The following LCLAT1 variants were observed in gnomAD, a reference collection of about 807,000 sequenced individuals.
LCLAT1 encodes 1-AGP acyltransferase 8.
A neutral mutation model predicts 30.7 loss-of-function variants in LCLAT1; 11 were observed. That is an observed-to-expected ratio of 0.36 (90% CI 0.23 to 0.59). The LOEUF is 0.59. LCLAT1 is among the 20% of genes least tolerant of loss of function. The pLI, the probability that LCLAT1 is intolerant of heterozygous loss-of-function variation, is 0.77. For missense variants in LCLAT1, 402 were observed against 458.6 expected, an observed-to-expected ratio of 0.88 and a Z score of 1.13; for synonymous variants, 155 against 151.3, an observed-to-expected ratio of 1.02 and a Z score of -0.18.
chr2:30,509,244 T>C (rs1218094013), intron 1 of LCLAT1, among the ~76,000 whole-genome samples: 2 of 152,208 alleles, frequency 1.3e-5, no homozygotes, highest in African/African-American at 2.4e-5. Context: ...CTCTTCCTAT[T>C]TGGATGCTCT....
chr2:30,528,680 T>G (rs1469167760), intron 2 of LCLAT1, among the ~76,000 whole-genome samples: 1 of 152,210 alleles, frequency 6.6e-6, no homozygotes, highest in Non-Finnish European at 1.5e-5. Context: ...TCAAAGATAA[T>G]TTCACCTATT....
At chr2:30,477,324 G>T (rs1328233896) in intron 1 of LCLAT1, among the ~76,000 whole-genome samples, 1 of 152,160 alleles carries the variant, frequency 6.6e-6, no homozygotes, top group East Asian at 1.9e-4. Flanking sequence ...GATTGTACCT[G>T]TTTGTGGTGT....
intron 1 of LCLAT1, among the ~76,000 whole-genome samples, chr2:30,520,017 T>C (rs1183876606): frequency 1.3e-5 from 2 of 152,220 alleles, no homozygotes; most frequent in African/African-American, 4.8e-5. Context: ...TCGCCATTGT[T>C]TCTGTGCGGC....
intron 1 of LCLAT1, among the ~76,000 whole-genome samples, chr2:30,472,226 G>A (rs1248744193): frequency 6.6e-6 from 1 of 152,154 alleles, no homozygotes. Context: ...TTATGGAAAA[G>A]GAGTTAAAAG....
At chr2:30,615,919 A>C (rs1667973675) in intron 5 of LCLAT1, among the ~76,000 whole-genome samples, 1 of 152,232 alleles carries the variant, frequency 6.6e-6, no homozygotes, top group Non-Finnish European at 1.5e-5. Flanking sequence ...GAGTATAATC[A>C]GTGAATTGAT....
rs867832564 is a variant in LCLAT1, at chr2:30,553,642, C to T, written c.365-8504C>T. On this transcript the variant is annotated intron_variant, in intron 3 of 5. Transcript: ENST00000379509. ...CATCCTGGCTAACAAGGTGAAACCC[C>T]GTCTCTACTAAAAATACAAAAAATT... Among the ~76,000 whole-genome samples the T allele has an allele frequency of 4.0e-5, 6 of 151,498 alleles. No individual in the cohort carries two copies. In the South Asian group the frequency reaches 1.0e-3, roughly 26 times the overall value.
chr2:30,493,653 C>G (rs1047988659), intron 1 of LCLAT1, among the ~76,000 whole-genome samples: 8 of 152,304 alleles, frequency 5.3e-5, no homozygotes, highest in African/African-American at 1.9e-4. Flanking sequence ...TAGAAAACTC[C>G]TTGTGCTATC....
At chr2:30,602,120 G>A (rs1390843456) in intron 5 of LCLAT1, among the ~76,000 whole-genome samples, 5 of 152,104 alleles carry the variant, frequency 3.3e-5, no homozygotes, top group African/African-American at 1.2e-4. Context: ...GCAATAGTTA[G>A]ATTTAATCAA....
chr2:30,582,186 T>C (rs1165413202), intron 5 of LCLAT1, among the ~76,000 whole-genome samples: 1 of 151,356 alleles, frequency 6.6e-6, no homozygotes, highest in Admixed American at 6.6e-5. Flanking sequence ...TTTCCCCCTT[T>C]CCCCCTCTCC....
intron 5 of LCLAT1, among the ~76,000 whole-genome samples, chr2:30,625,437 A>G (rs1331175127): frequency 1.3e-5 from 2 of 152,182 alleles, no homozygotes; most frequent in Non-Finnish European, 2.9e-5. Context: ...CAAAACTGCT[A>G]TCTGTAACTT....
intron 4 of LCLAT1, among the ~76,000 whole-genome samples, chr2:30,565,073 T>C (rs1665412742): frequency 6.6e-6 from 1 of 152,080 alleles, no homozygotes; most frequent in African/African-American, 2.4e-5. Context: ...TCGTTATTCT[T>C]GGGTTAGGGA....
At chr2:30,517,814 A>G (rs2148369655) in intron 1 of LCLAT1, among the ~76,000 whole-genome samples, 1 of 152,304 alleles carries the variant, frequency 6.6e-6, no homozygotes, top group South Asian at 2.1e-4. Flanking sequence ...AGTGTACCCT[A>G]TTCCTTTAAA....
At chr2:30,593,900 G>A (rs1460708570) in intron 5 of LCLAT1, among the ~76,000 whole-genome samples, 3 of 136,460 alleles carry the variant, frequency 2.2e-5, no homozygotes, top group African/African-American at 8.5e-5. Context: ...TCCACCTCGA[G>A]CAACAGAGAG....
At chr2:30,634,358 G>A (rs1435981861) in intron 5 of LCLAT1, among the ~76,000 whole-genome samples, 1 of 152,200 alleles carries the variant, frequency 6.6e-6, no homozygotes, top group Non-Finnish European at 1.5e-5. Flanking sequence ...ATGCGCGGCG[G>A]CTCACGCCTG....
rs1665262260 is a variant in LCLAT1, at chr2:30,562,227, A to G, written c.446A>G (p.Asp149Gly). The change falls in exon 4 of 6, where the codon GAT (aspartate) becomes GGT (glycine). Residue 149 changes from aspartate (D) to glycine (G), a missense_variant. Coordinates refer to ENST00000379509, the MANE Select transcript of LCLAT1 (RefSeq NM_001002257.3). ...DDKSHFEDMI[D>G]YFCDIHEPLQ... The stretch of plus-strand genomic sequence containing the variant: ...AAGAGCCATTTCGAAGACATGATTG[A>G]TTACTTTTGTGATATTCACGAACCA... 4 of 1,613,186 alleles carry G rather than the reference A, an allele frequency of 2.5e-6. No homozygotes were observed. Among genetic ancestry groups the G allele is most frequent in the Non-Finnish European group, 3.4e-6 (4 of 1,179,252 alleles).
At chr2:30,495,695 G>A (rs534376245) in intron 1 of LCLAT1, among the ~76,000 whole-genome samples, 16 of 152,294 alleles carry the variant, frequency 1.1e-4, no homozygotes, top group South Asian at 1.0e-3. Context: ...GGGTGAAAGG[G>A]CAGAGGAGAG....
intron 5 of LCLAT1, among the ~76,000 whole-genome samples, chr2:30,615,710 T>A (rs1396128997): frequency 6.6e-6 from 1 of 152,100 alleles, no homozygotes; most frequent in Non-Finnish European, 1.5e-5. Flanking sequence ...ATGTGTAAAG[T>A]GAAAGGAAAT....
chr2:30,480,471 A>C (rs1356684987), intron 1 of LCLAT1, among the ~76,000 whole-genome samples: 2 of 152,230 alleles, frequency 1.3e-5, no homozygotes, highest in Admixed American at 1.3e-4. Context: ...CTGGGATTAC[A>C]GGTTTGAGCC....
intron 1 of LCLAT1, among the ~76,000 whole-genome samples, chr2:30,492,795 G>T (rs1683898503): frequency 6.6e-6 from 1 of 152,094 alleles, no homozygotes; most frequent in South Asian, 2.1e-4. Context: ...TTCTTGGTTG[G>T]AAGAATTTTT....
Sources: allele counts gnomAD v4.1 joint callset (sites outside exome capture counted in the v4.1 genomes callset), GRCh38; gene constraint gnomAD v4.1.1; transcripts MANE v1.5; gene names NCBI Gene and HGNC (gene_info 2026-07-23, HGNC 2026-07-21).